CADM2: variants seen among roughly 807,000 people sequenced by gnomAD.
CADM2 encodes the protein cell adhesion molecule 2, also known as immunoglobulin superfamily member 4D.
CADM2 carries 12 observed loss-of-function variants against 49.8 expected under a neutral mutation model. That is an observed-to-expected ratio of 0.24 (90% CI 0.15 to 0.39). CADM2 has a LOEUF of 0.39. Ranked by LOEUF, CADM2 falls within the 10% of genes least tolerant of loss-of-function variation. The pLI is 1.00. For synonymous variants in CADM2, 214 were observed against 175.4 expected (o/e 1.22, Z -1.74); for missense variants, 378 against 492.3 (o/e 0.77, Z 2.20).
chr3:85,664,258 T>C (rs113095150), intron 1 of CADM2, among the ~76,000 whole-genome samples: 2,796 of 152,102 alleles, frequency 0.018, 86 homozygotes, highest in African/African-American at 0.055. Flanking sequence ...ATCTATAGTA[T>C]GAACCCTTCT....
chr3:85,894,475 A>G (rs148891286), intron 5 of CADM2, among the ~76,000 whole-genome samples: 1 of 152,048 alleles, frequency 6.6e-6, no homozygotes, highest in East Asian at 1.9e-4. Flanking sequence ...GTGCACATGT[A>G]CCCTAAAACT....
At chr3:85,906,649 G>T (rs1559734075) in intron 5 of CADM2, among the ~76,000 whole-genome samples, 2 of 152,236 alleles carry the variant, frequency 1.3e-5, no homozygotes, top group South Asian at 4.2e-4. Flanking sequence ...TTGTATGAAA[G>T]GGTGCTCATA....
At chr3:85,291,537 A>G (rs1467880993) in intron 1 of CADM2, among the ~76,000 whole-genome samples, 2 of 147,510 alleles carry the variant, frequency 1.4e-5, no homozygotes, top group African/African-American at 5.4e-5. Flanking sequence ...GCAGCCAGAG[A>G]GAAAGGTCGG....
intron 5 of CADM2, among the ~76,000 whole-genome samples, chr3:85,908,254 C>CTTTCT (rs1377803079): frequency 1.2e-3 from 76 of 65,780 alleles, no homozygotes; most frequent in African/African-American, 4.1e-3. Context: ...TTTTTTTCTT[C>CTTTCT]TTTTTTTTTT....
intron 1 of CADM2, among the ~76,000 whole-genome samples, chr3:85,659,153 G>T (rs185829533): frequency 1.2e-4 from 18 of 151,396 alleles, no homozygotes; most frequent in African/African-American, 4.3e-4. Flanking sequence ...GGAGGATATG[G>T]TTCTTTGGTT....
chr3:85,203,668 C>T (rs1025440188), intron 1 of CADM2, among the ~76,000 whole-genome samples: 1 of 152,152 alleles, frequency 6.6e-6, no homozygotes, highest in Admixed American at 6.6e-5. Flanking sequence ...TTGCCACAAA[C>T]CTTCAGTTTG....
chr3:85,614,323 C>T (rs2063746642), intron 1 of CADM2, among the ~76,000 whole-genome samples: 1 of 151,464 alleles, frequency 6.6e-6, no homozygotes, highest in South Asian at 2.1e-4. Flanking sequence ...CTTTATATAT[C>T]TCCTTATTCT....
At chr3:86,030,612 A>T (rs1249402739) in intron 8 of CADM2, among the ~76,000 whole-genome samples, 1 of 151,960 alleles carries the variant, frequency 6.6e-6, no homozygotes, top group East Asian at 1.9e-4. Flanking sequence ...GAATTCAGTG[A>T]CTGAAATCTT....
At chr3:85,974,168 G>A (rs951110212) in intron 8 of CADM2, among the ~76,000 whole-genome samples, 2 of 151,658 alleles carry the variant, frequency 1.3e-5, no homozygotes, top group Non-Finnish European at 3.0e-5. Context: ...GCTCAGAGAA[G>A]GAAGATATTA....
At chr3:85,471,620 T>TA (rs1461309451) in intron 1 of CADM2, among the ~76,000 whole-genome samples, 1 of 152,004 alleles carries the variant, frequency 6.6e-6, no homozygotes, top group Non-Finnish European at 1.5e-5. Flanking sequence ...AAAGAAACTT[T>TA]AAAAAATTCC....
intron 1 of CADM2, among the ~76,000 whole-genome samples, chr3:85,218,787 C>A (rs2041986726): frequency 6.6e-6 from 1 of 152,140 alleles, no homozygotes; most frequent in Non-Finnish European, 1.5e-5. Context: ...CAGAGTGAGA[C>A]TCCGTCTCAA....
At chr3:85,009,125 G>C (rs1299869729) in intron 1 of CADM2, among the ~76,000 whole-genome samples, 1 of 152,118 alleles carries the variant, frequency 6.6e-6, no homozygotes, top group African/African-American at 2.4e-5. Context: ...TGGATCCCTG[G>C]GGAAGTTGAG....
intron 1 of CADM2, among the ~76,000 whole-genome samples, chr3:85,584,160 A>G (rs781332145): frequency 1.1e-4 from 16 of 152,072 alleles, no homozygotes; most frequent in Non-Finnish European, 2.2e-4. Context: ...ATACATATAA[A>G]CATATAATAT....
intron 5 of CADM2, among the ~76,000 whole-genome samples, chr3:85,895,526 G>A (rs1382576293): frequency 6.6e-6 from 1 of 152,188 alleles, no homozygotes; most frequent in East Asian, 1.9e-4. Flanking sequence ...GGACTTTTGA[G>A]TTAATGCTGA....
chr3:85,691,768 A>G (rs1192623102), intron 1 of CADM2, among the ~76,000 whole-genome samples: 1 of 152,204 alleles, frequency 6.6e-6, no homozygotes. Context: ...AATGTGGCAC[A>G]TATACACCAT....
intron 1 of CADM2, among the ~76,000 whole-genome samples, chr3:85,510,957 A>G (rs1490198704): frequency 6.6e-6 from 1 of 152,118 alleles, no homozygotes; most frequent in Non-Finnish European, 1.5e-5. Context: ...TAGATTTCCA[A>G]GGGTTATACA....
At chr3:85,738,252 A>G (rs1315085392) in intron 2 of CADM2, among the ~76,000 whole-genome samples, 3 of 152,198 alleles carry the variant, frequency 2.0e-5, no homozygotes, top group Non-Finnish European at 4.4e-5. Context: ...TATATTAGAC[A>G]CAGCTTCCCC....
At chr3:85,349,318 C>G (rs1362986302) in intron 1 of CADM2, among the ~76,000 whole-genome samples, 1 of 152,182 alleles carries the variant, frequency 6.6e-6, no homozygotes, top group African/African-American at 2.4e-5. Flanking sequence ...ATACTCTAAT[C>G]TGTTCTGTTT....
chr3:85,301,978 C>T (rs983432448), intron 1 of CADM2, among the ~76,000 whole-genome samples: 7 of 151,914 alleles, frequency 4.6e-5, no homozygotes, highest in Admixed American at 2.6e-4. Context: ...TTGTAAAATC[C>T]TTGCTTCCTT....
Sources: allele counts gnomAD v4.1 joint callset (sites outside exome capture counted in the v4.1 genomes callset), GRCh38; gene constraint gnomAD v4.1.1; transcripts MANE v1.5; gene names NCBI Gene and HGNC (gene_info 2026-07-23, HGNC 2026-07-21).